SPMAP2L: variants seen among roughly 807,000 people sequenced by gnomAD.
The protein encoded by SPMAP2L is sperm microtubule associated protein 2 like, also known as sperm microtubule associated protein 2-like.
the SPMAP2L span, among the ~76,000 whole-genome samples, chr4:56,537,973 G>T: frequency 4.0e-5 from 6 of 151,708 alleles, no homozygotes; most frequent in Non-Finnish European, 8.8e-5. Context: ...GATTACAGGC[G>T]TGAGCCACCG....
the SPMAP2L span, among the ~76,000 whole-genome samples, chr4:56,560,877 C>T: frequency 6.6e-6 from 1 of 152,068 alleles, no homozygotes; most frequent in East Asian, 1.9e-4. Context: ...TCCCCAGTAG[C>T]TGGGATTACA....
At chr4:56,616,378 C>T in the SPMAP2L span, among the ~76,000 whole-genome samples, 11 of 152,184 alleles carry the variant, frequency 7.2e-5, no homozygotes, top group African/African-American at 2.7e-4. Flanking sequence ...CAAATGCAGT[C>T]ACGTTCTGAG....
the SPMAP2L span, among the ~76,000 whole-genome samples, chr4:56,559,957 A>T: frequency 2.6e-5 from 4 of 152,224 alleles, no homozygotes; most frequent in Non-Finnish European, 5.9e-5. Context: ...ATTGAGAATT[A>T]GGGATTCTAT....
the SPMAP2L span, among the ~76,000 whole-genome samples, chr4:56,567,329 C>G: frequency 2.7e-5 from 4 of 150,850 alleles, no homozygotes; most frequent in African/African-American, 9.8e-5. Context: ...TACAGTGGTA[C>G]GATGTTGGCT....
the SPMAP2L span, among the ~76,000 whole-genome samples, chr4:56,620,230 C>T: frequency 6.6e-6 from 1 of 152,208 alleles, no homozygotes; most frequent in Non-Finnish European, 1.5e-5. Flanking sequence ...AGAATGAAAC[C>T]TCTCTAAATG....
At chr4:56,576,085 A>G in the SPMAP2L span, among the ~76,000 whole-genome samples, 5 of 152,174 alleles carry the variant, frequency 3.3e-5, no homozygotes, top group African/African-American at 1.2e-4. Context: ...AGCTAATTCA[A>G]TGTTAGGTTG....
chr4:56,569,521 G>A, the SPMAP2L span, among the ~76,000 whole-genome samples: 19 of 152,082 alleles, frequency 1.2e-4, no homozygotes, highest in African/African-American at 4.6e-4. Context: ...AAAAAAATGG[G>A]ACTGGTGGCT....
chr4:56,552,830 G>T, the SPMAP2L span, among the ~76,000 whole-genome samples: 1 of 152,150 alleles, frequency 6.6e-6, no homozygotes, highest in Non-Finnish European at 1.5e-5. Context: ...ATGACTGAGT[G>T]CTTTCCCCAA....
At chr4:56,600,494 G>A in the SPMAP2L span, among the ~76,000 whole-genome samples, 494 of 151,758 alleles carry the variant, frequency 3.3e-3, 2 homozygotes, top group African/African-American at 0.012. Flanking sequence ...GGGTTTCACC[G>A]TGTTAGTCAG....
At chr4:56,530,841 C>G in the SPMAP2L span, 1 of 1,535,330 alleles carries the variant, frequency 6.5e-7, no homozygotes, top group Non-Finnish European at 8.7e-7. Flanking sequence ...CCGAGAAACA[C>G]GAGAATCCCG....
At chr4:56,582,879 A>G in the SPMAP2L span, among the ~76,000 whole-genome samples, 12 of 152,352 alleles carry the variant, frequency 7.9e-5, no homozygotes, top group African/African-American at 2.9e-4. Flanking sequence ...AATATTATTC[A>G]GCCATAAAAA....
At chr4:56,609,818 CATTGAA>C in the SPMAP2L span, among the ~76,000 whole-genome samples, 1 of 152,178 alleles carries the variant, frequency 6.6e-6, no homozygotes, top group Non-Finnish European at 1.5e-5. Context: ...CATCAATTGA[CATTGAA>C]TCTTCCAGTG....
the SPMAP2L span, among the ~76,000 whole-genome samples, chr4:56,592,546 C>G: frequency 6.6e-6 from 1 of 152,226 alleles, no homozygotes; most frequent in East Asian, 1.9e-4. Context: ...GGCGGTCCAG[C>G]GAAAGGGGCT....
the SPMAP2L span, among the ~76,000 whole-genome samples, chr4:56,608,525 T>C: frequency 7.2e-4 from 110 of 152,278 alleles, no homozygotes; most frequent in Non-Finnish European, 7.9e-4. Context: ...GAGGACAGAA[T>C]GATTTCAAAG....
At chr4:56,571,637 A>G in the SPMAP2L span, among the ~76,000 whole-genome samples, 7 of 152,132 alleles carry the variant, frequency 4.6e-5, no homozygotes, top group Non-Finnish European at 8.8e-5. Flanking sequence ...TTTGAGGCCA[A>G]GAGTTCAAGA....
chr4:56,572,481 C>T, the SPMAP2L span, among the ~76,000 whole-genome samples: 1,154 of 152,280 alleles, frequency 7.6e-3, 20 homozygotes, highest in African/African-American at 0.026. Flanking sequence ...ATCCTATTCT[C>T]CACTCTCTCC....
the SPMAP2L span, among the ~76,000 whole-genome samples, chr4:56,570,829 G>A: frequency 4.0e-5 from 6 of 150,768 alleles, no homozygotes; most frequent in Non-Finnish European, 7.4e-5. Context: ...TTTGAGACAG[G>A]CTCTTGCTCT....
At chr4:56,611,681 A>G in the SPMAP2L span, among the ~76,000 whole-genome samples, 1 of 152,192 alleles carries the variant, frequency 6.6e-6, no homozygotes, top group Non-Finnish European at 1.5e-5. Context: ...TGCAGCAACT[A>G]TGCCAGGAAG....
the SPMAP2L span, among the ~76,000 whole-genome samples, chr4:56,577,828 CA>C: frequency 6.6e-6 from 1 of 152,026 alleles, no homozygotes; most frequent in Non-Finnish European, 1.5e-5. Flanking sequence ...CTACTAAAAA[CA>C]AAAAATTTAT....
Sources: allele counts gnomAD v4.1 joint callset (sites outside exome capture counted in the v4.1 genomes callset), GRCh38; gene constraint gnomAD v4.1.1; transcripts MANE v1.5; gene names NCBI Gene and HGNC (gene_info 2026-07-23, HGNC 2026-07-21).